The following ZNF804B variants were observed in gnomAD, a reference collection of about 807,000 sequenced individuals.
ZNF804B encodes the protein zinc finger 804B.
ZNF804B carries 80 observed loss-of-function variants against 101.4 expected under a neutral mutation model. That is an observed-to-expected ratio of 0.79 (90% CI 0.66 to 0.95). The LOEUF is 0.95. Among genes scored for constraint, ZNF804B ranks in the 40% least tolerant of loss-of-function variants. The pLI is 0.00. For missense variants in ZNF804B, 1,673 were observed against 1,561.9 expected, an observed-to-expected ratio of 1.07 and a Z score of -1.20; for synonymous variants, 622 against 558.8, an observed-to-expected ratio of 1.11 and a Z score of -1.59.
intron 1 of ZNF804B, among the ~76,000 whole-genome samples, chr7:88,765,281 A>G (rs907659991): frequency 1.1e-4 from 16 of 152,290 alleles, no homozygotes; most frequent in Non-Finnish European, 8.8e-5. Flanking sequence ...CATAATTTGG[A>G]ACTAAAATAA....
At chr7:89,294,268 G>A (rs552674351) in intron 2 of ZNF804B, among the ~76,000 whole-genome samples, 2 of 152,258 alleles carry the variant, frequency 1.3e-5, no homozygotes, top group South Asian at 4.1e-4. Flanking sequence ...TTTAAACTCT[G>A]TAATGCCAAA....
At chr7:89,083,235 T>C (rs1036677595) in intron 1 of ZNF804B, among the ~76,000 whole-genome samples, 12 of 151,856 alleles carry the variant, frequency 7.9e-5, no homozygotes, top group Non-Finnish European at 1.3e-4. Context: ...ATGGAATCTA[T>C]TTTTACACAC....
At chr7:89,331,549 A>C in intron 3 of ZNF804B, among the ~76,000 whole-genome samples, 1 of 151,726 alleles carries the variant, frequency 6.6e-6, no homozygotes, top group Non-Finnish European at 1.5e-5. Flanking sequence ...GTCTAAATTT[A>C]GTTTTTTACA....
chr7:89,184,682 T>C (rs948403350), intron 1 of ZNF804B, among the ~76,000 whole-genome samples: 7 of 152,300 alleles, frequency 4.6e-5, no homozygotes, highest in African/African-American at 1.7e-4. Context: ...GTTATCTTTA[T>C]GCAAGTTATT....
At chr7:89,099,794 G>T (rs1206732147) in intron 1 of ZNF804B, among the ~76,000 whole-genome samples, 1 of 152,140 alleles carries the variant, frequency 6.6e-6, no homozygotes, top group Non-Finnish European at 1.5e-5. Flanking sequence ...AAAGACAAAG[G>T]TCAGGCTTAG....
intron 1 of ZNF804B, among the ~76,000 whole-genome samples, chr7:89,162,229 C>CT (rs1178395865): frequency 1.3e-5 from 2 of 152,054 alleles, no homozygotes; most frequent in African/African-American, 2.4e-5. Flanking sequence ...CTTTCTTTTA[C>CT]TTTTTTTAAA....
intron 1 of ZNF804B, among the ~76,000 whole-genome samples, chr7:88,812,748 A>G (rs1790809074): frequency 6.6e-6 from 1 of 152,144 alleles, no homozygotes; most frequent in African/African-American, 2.4e-5. Context: ...GTCACACACT[A>G]CAACACGAAT....
chr7:88,990,208 A>G (rs555690489), intron 1 of ZNF804B, among the ~76,000 whole-genome samples: 190 of 152,076 alleles, frequency 1.2e-3, no homozygotes, highest in African/African-American at 4.4e-3. Flanking sequence ...TTATAAGACT[A>G]TCTACTGTAG....
chr7:88,957,535 T>C (rs1584038513), intron 1 of ZNF804B, among the ~76,000 whole-genome samples: 1 of 151,438 alleles, frequency 6.6e-6, no homozygotes, highest in Non-Finnish European at 1.5e-5. Flanking sequence ...ATTAAGCAAA[T>C]ATTCAAGGTC....
intron 2 of ZNF804B, among the ~76,000 whole-genome samples, chr7:89,299,677 C>G (rs1790446887): frequency 6.6e-6 from 1 of 152,058 alleles, no homozygotes; most frequent in South Asian, 2.1e-4. Flanking sequence ...TTAAACACGT[C>G]TGACGTGACT....
At chr7:89,074,053 A>G (rs1789580929) in intron 1 of ZNF804B, among the ~76,000 whole-genome samples, 1 of 152,178 alleles carries the variant, frequency 6.6e-6, no homozygotes, top group South Asian at 2.1e-4. Flanking sequence ...TGAGGGAAGT[A>G]AAGATGAGAA....
intron 2 of ZNF804B, among the ~76,000 whole-genome samples, chr7:89,296,113 T>C (rs920283028): frequency 6.6e-6 from 1 of 152,124 alleles, no homozygotes; most frequent in Non-Finnish European, 1.5e-5. Context: ...TTCATCCATG[T>C]AACCAAAACC....
chr7:89,205,044 A>C (rs1405749717), intron 1 of ZNF804B, among the ~76,000 whole-genome samples: 1 of 152,172 alleles, frequency 6.6e-6, no homozygotes, highest in Non-Finnish European at 1.5e-5. Flanking sequence ...AATGAGGAGC[A>C]AGGTCATGTC....
At chr7:88,765,247 A>G (rs1789963045) in intron 1 of ZNF804B, among the ~76,000 whole-genome samples, 1 of 152,048 alleles carries the variant, frequency 6.6e-6, no homozygotes, top group African/African-American at 2.4e-5. Flanking sequence ...ACTAAAATGA[A>G]CTCTCTGTTT....
At chr7:88,866,893 T>C (rs1260013058) in intron 1 of ZNF804B, among the ~76,000 whole-genome samples, 2 of 152,222 alleles carry the variant, frequency 1.3e-5, no homozygotes, top group Non-Finnish European at 2.9e-5. Context: ...ATAATGACCC[T>C]AGAATTGATT....
At chr7:89,091,476 A>C (rs1239749114) in intron 1 of ZNF804B, among the ~76,000 whole-genome samples, 13 of 152,174 alleles carry the variant, frequency 8.5e-5, no homozygotes, top group Non-Finnish European at 1.0e-4. Context: ...AATTTAAACA[A>C]GTTTTCTCGG....
At chr7:88,877,047 ATATTTTTTTTTTTTT>A (rs1476021839) in intron 1 of ZNF804B, among the ~76,000 whole-genome samples, 414 of 28,690 alleles carry the variant, frequency 0.014, 4 homozygotes, top group Non-Finnish European at 0.019. Flanking sequence ...ATATATATAT[ATATTTTTTTTTTTTT>A]TTTTTTTTTT....
intron 1 of ZNF804B, among the ~76,000 whole-genome samples, chr7:88,892,126 A>T (rs1359775442): frequency 6.6e-6 from 1 of 152,116 alleles, no homozygotes; most frequent in Admixed American, 6.6e-5. Context: ...GTCCAGAAAT[A>T]TATTTAAATA....
rs184034447 is a variant in ZNF804B at position 89,333,347 on chromosome 7, T to C, written c.381-16T>C. Reference sequence around the variant, plus strand: ...AGCTAATCTCTTAATCATTTAAATATTTATTGTATTTACAGTGTTTCTGGA... The same window carrying C: ...AGCTAATCTCTTAATCATTTAAATACTTATTGTATTTACAGTGTTTCTGGA... On this transcript the variant is annotated splice_polypyrimidine_tract_variant and intron_variant, in intron 3 of 3. Transcript: ENST00000333190. The C allele has an allele frequency of 5.2e-5, 80 of 1,541,458 alleles. No individual in the cohort carries two copies. In the East Asian group the frequency reaches 1.9e-3, roughly 36 times the overall value.
Sources: allele counts gnomAD v4.1 joint callset (sites outside exome capture counted in the v4.1 genomes callset), GRCh38; gene constraint gnomAD v4.1.1; transcripts MANE v1.5; gene names NCBI Gene and HGNC (gene_info 2026-07-23, HGNC 2026-07-21).